LRRC7: variants seen among roughly 807,000 people sequenced by gnomAD.
LRRC7 encodes the protein leucine rich repeat containing 7, also known as leucine-rich repeat-containing protein 7.
In LRRC7, 23 loss-of-function variants were observed where a neutral mutation model predicts 175.7. The ratio of observed to expected loss-of-function variants is 0.13; its 90% CI spans 0.09 to 0.19. The LOEUF (loss-of-function observed/expected upper bound fraction) is 0.19, where lower values mean the gene tolerates loss of function less well. Ranked by LOEUF, LRRC7 falls within the 10% of genes least tolerant of loss-of-function variation. LRRC7 has a pLI of 1.00. For missense variants in LRRC7, 1,354 were observed against 1,904.7 expected, an observed-to-expected ratio of 0.71 and a Z score of 5.38; for synonymous variants, 685 against 680.9, an observed-to-expected ratio of 1.01 and a Z score of -0.09.
At chr1:70,081,506 A>G (rs1663208476) in intron 24 of LRRC7, among the ~76,000 whole-genome samples, 1 of 152,346 alleles carries the variant, frequency 6.6e-6, no homozygotes, top group South Asian at 2.1e-4. Context: ...CTACAAAACT[A>G]AGACTAAGAT....
intron 8 of LRRC7, among the ~76,000 whole-genome samples, chr1:69,938,923 A>C (rs1044905021): frequency 6.7e-6 from 1 of 149,558 alleles, no homozygotes; most frequent in Admixed American, 6.7e-5. Flanking sequence ...ACCCAATTTT[A>C]AGGAAAATAC....
At chr1:70,029,626 G>A (rs1010188496) in intron 18 of LRRC7, among the ~76,000 whole-genome samples, 2 of 151,916 alleles carry the variant, frequency 1.3e-5, no homozygotes, top group South Asian at 2.1e-4. Context: ...CAAAGATCTC[G>A]CTGCAATATA....
At chr1:69,782,346 C>G (rs1673860276) in intron 3 of LRRC7, among the ~76,000 whole-genome samples, 3 of 152,186 alleles carry the variant, frequency 2.0e-5, no homozygotes, top group Non-Finnish European at 1.5e-5. Flanking sequence ...TCACAAAACT[C>G]AGACATCCAT....
intron 10 of LRRC7, among the ~76,000 whole-genome samples, chr1:69,987,708 T>G (rs769561893): frequency 2.6e-5 from 4 of 152,226 alleles, no homozygotes; most frequent in Admixed American, 6.5e-5. Flanking sequence ...ATTTTCCAAA[T>G]TTTTCTTCAA....
intron 4 of LRRC7, among the ~76,000 whole-genome samples, chr1:69,821,890 G>T (rs999169894): frequency 1.3e-5 from 2 of 150,472 alleles, no homozygotes; most frequent in African/African-American, 4.9e-5. Context: ...GCGAGACTCT[G>T]TCAAAAAAAA....
chr1:69,760,050 A>T, intron 2 of LRRC7, 141 bp from the exon 3 acceptor site: 1 of 790,560 alleles, frequency 1.3e-6, no homozygotes, highest in Non-Finnish European at 2.0e-6. Context: ...ATTTAATGAT[A>T]CAATGCGTGT....
rs147924938 is a variant in LRRC7, at chr1:69,896,849, A to G, written c.648-34658A>G. On this transcript the variant is annotated intron_variant, in intron 7 of 26. Transcript: ENST00000651989. ...AGATATTCCATGGACCCTTAGATGA[A>G]TACTATAAAGCCTTCTTTGTTGGTT... 3.9e-3 allele frequency among the ~76,000 whole-genome samples: 598 copies of G among 152,206 alleles called. 3 individuals carry two copies. Among genetic ancestry groups the G allele is most frequent in the African/African-American group, 0.013 (553 of 41,548 alleles).
chr1:69,756,906 AG>A (rs1157426391), intron 2 of LRRC7, among the ~76,000 whole-genome samples: 1 of 152,012 alleles, frequency 6.6e-6, no homozygotes, highest in Non-Finnish European at 1.5e-5. Flanking sequence ...TATTCCTAAA[AG>A]GTTACTCCAG....
chr1:69,781,763 G>GAA lies in LRRC7; in HGVS notation c.304-10279_304-10278insAA, dbSNP rs1378031577. Among the ~76,000 whole-genome samples, 6 of 39,226 alleles carry GAA rather than the reference G, an allele frequency of 1.5e-4. 1 individual carries two copies. The highest frequency in any genetic ancestry group is 8.4e-4 in the South Asian group (1 of 1,184). The allele number at this position is 39,226 out of a possible 152,430, so 25.7% of individuals were successfully genotyped here. A position where few individuals can be genotyped will look rare whatever the true frequency, so the allele number is the denominator to read the frequency against. ...AGAGAGAGAGAGAGAGAGAGAGAGA[G>GAA]AGAAAGAAAGAAAGAAAGAAAGAAA... On this transcript the variant is annotated intron_variant, in intron 3 of 26. Coordinates refer to ENST00000651989, the MANE Select transcript of LRRC7 (RefSeq NM_001370785.2).
intron 7 of LRRC7, among the ~76,000 whole-genome samples, chr1:69,879,230 AAAAAAAG>A (rs1382392914): frequency 1.4e-5 from 2 of 146,950 alleles, no homozygotes; most frequent in African/African-American, 2.5e-5. Context: ...AAAAAAAAAA[AAAAAAAG>A]ACTGCGCACT....
At chr1:69,868,124 A>G (rs1202233015) in intron 7 of LRRC7, among the ~76,000 whole-genome samples, 1 of 152,106 alleles carries the variant, frequency 6.6e-6, no homozygotes, top group Non-Finnish European at 1.5e-5. Flanking sequence ...GAAGTAAGCC[A>G]ACATGGTGGA....
intron 7 of LRRC7, among the ~76,000 whole-genome samples, chr1:69,925,443 G>T (rs1031110009): frequency 6.6e-6 from 1 of 152,108 alleles, no homozygotes; most frequent in Admixed American, 6.6e-5. Flanking sequence ...ACTCTTTTTG[G>T]TTGGTAAGCT....
At chr1:69,742,057 T>C (rs547150527) in intron 2 of LRRC7, among the ~76,000 whole-genome samples, 2 of 152,060 alleles carry the variant, frequency 1.3e-5, no homozygotes, top group Admixed American at 6.6e-5. Context: ...TAAAAACATA[T>C]GTGTAGGTGT....
intron 4 of LRRC7, among the ~76,000 whole-genome samples, chr1:69,820,826 G>A (rs1229689956): frequency 6.6e-6 from 1 of 152,168 alleles, no homozygotes; most frequent in East Asian, 1.9e-4. Flanking sequence ...AGACATAGAT[G>A]TGCATGTGTC....
intron 17 of LRRC7, among the ~76,000 whole-genome samples, chr1:70,027,360 T>G (rs1240033588): frequency 6.6e-6 from 1 of 152,140 alleles, no homozygotes; most frequent in East Asian, 1.9e-4. Context: ...CCTCTAAATT[T>G]AATGCTAAGA....
intron 18 of LRRC7, among the ~76,000 whole-genome samples, chr1:70,032,717 G>T (rs1658889822): frequency 2.0e-5 from 3 of 152,026 alleles, no homozygotes; most frequent in African/African-American, 7.2e-5. Context: ...TTTTATTCAT[G>T]CTAGGCCTAG....
intron 23 of LRRC7, among the ~76,000 whole-genome samples, chr1:70,057,291 A>G (rs17131166): frequency 0.13 from 19,557 of 152,256 alleles, 1,730 homozygotes; most frequent in African/African-American, 0.24. Context: ...GTTAATATTC[A>G]GTGAGACTCA....
chr1:69,868,219 A>C (rs1238569643), intron 7 of LRRC7, among the ~76,000 whole-genome samples: 1 of 152,282 alleles, frequency 6.6e-6, no homozygotes, highest in East Asian at 1.9e-4. Flanking sequence ...AAAATGCAAA[A>C]TTTTGTACAA....
At position 69,877,357 on chromosome 1, in the gene LRRC7, G is replaced by A. The variant is rs536448940; in HGVS notation, c.647+39074G>A. On this transcript the variant is annotated intron_variant, in intron 7 of 26. Transcript: ENST00000651989. ...AATCCCATTGCTTTGAGAGGCCAAGGCAGGAGGATCACTTGAGGCCAAGAG... is the reference window on the plus strand; with the variant it reads ...AATCCCATTGCTTTGAGAGGCCAAGACAGGAGGATCACTTGAGGCCAAGAG... Among the ~76,000 whole-genome samples, 6 of 152,214 alleles carry A rather than the reference G, an allele frequency of 3.9e-5. No homozygotes were observed. The South Asian group carries it at 1.2e-3, about 32-fold the overall frequency.
Sources: gnomAD v4.1 joint callset for allele counts (sites outside exome capture counted in the v4.1 genomes callset) on GRCh38, gnomAD v4.1.1 for gene constraint, MANE v1.5 for transcripts, NCBI Gene and HGNC (gene_info 2026-07-23, HGNC 2026-07-21) for gene names.